Variants in CSMD1 observed in about 807,000 individuals in gnomAD.
CSMD1 encodes the protein CUB and sushi domain-containing protein 1.
A neutral mutation model predicts 417.5 loss-of-function variants in CSMD1; 213 were observed. The observed-to-expected ratio is 0.51, with a 90% CI of 0.46 to 0.57. The LOEUF (loss-of-function observed/expected upper bound fraction) is 0.57, where lower values mean the gene tolerates loss of function less well. Among genes scored for constraint, CSMD1 ranks in the 20% least tolerant of loss-of-function variants. CSMD1 has a pLI of 0.00. For synonymous variants in CSMD1, 2,862 were observed against 1,736.8 expected (o/e 1.65, Z -16.11); for missense variants, 6,923 against 4,529.7 (o/e 1.53, Z -15.17).
chr8:3,240,671 G>A (rs998276187), intron 26 of CSMD1, among the ~76,000 whole-genome samples: 13 of 152,172 alleles, frequency 8.5e-5, no homozygotes, highest in South Asian at 2.1e-4. Context: ...AATGAAAGGC[G>A]CAAAGGAATA....
At chr8:3,655,276 C>A (rs985131538) in intron 7 of CSMD1, among the ~76,000 whole-genome samples, 2 of 152,186 alleles carry the variant, frequency 1.3e-5, no homozygotes, top group Non-Finnish European at 1.5e-5. Context: ...GACCCATGAA[C>A]ATGAAGGCTA....
chr8:4,560,530 G>C (rs747774340), intron 2 of CSMD1, among the ~76,000 whole-genome samples: 5 of 152,094 alleles, frequency 3.3e-5, no homozygotes, highest in Admixed American at 6.5e-5. Flanking sequence ...TTGCATGCAT[G>C]GAAACCTCTG....
intron 18 of CSMD1, among the ~76,000 whole-genome samples, chr8:3,371,272 A>G (rs1293048035): frequency 1.3e-5 from 2 of 152,136 alleles, no homozygotes; most frequent in African/African-American, 4.8e-5. Context: ...TAATACATCC[A>G]CTTACTAGTT....
rs560468512 is a variant in CSMD1 at position 4,656,211 on chromosome 8, A to C, written c.86-18653T>G. 2.6e-5 allele frequency among the ~76,000 whole-genome samples: 4 copies of C among 152,188 alleles called. No homozygotes were observed. The East Asian group carries it at 7.7e-4, about 29-fold the overall frequency. ...GAGGAAGGACTATTCCAGGAAGGGA[A>C]TATGGCTGTGGAAAAGCCTTAGGTT... On this transcript the variant is annotated intron_variant, in intron 1 of 69. Transcript: ENST00000635120.
At chr8:4,061,838 AC>A (rs1798987709) in intron 3 of CSMD1, among the ~76,000 whole-genome samples, 2 of 152,220 alleles carry the variant, frequency 1.3e-5, no homozygotes, top group South Asian at 4.1e-4. Context: ...GAAGAAATAT[AC>A]ACTGTATAGA....
chr8:4,400,244 A>T (rs113034734), intron 3 of CSMD1, among the ~76,000 whole-genome samples: 24 of 152,206 alleles, frequency 1.6e-4, no homozygotes, highest in African/African-American at 5.5e-4. Flanking sequence ...GACATGGAAG[A>T]AGTTCTGGCT....
intron 1 of CSMD1, among the ~76,000 whole-genome samples, chr8:4,901,025 T>C (rs1010127784): frequency 6.6e-6 from 1 of 152,238 alleles, no homozygotes; most frequent in African/African-American, 2.4e-5. Flanking sequence ...AGAATGCCGA[T>C]GTTCAACAAA....
At position 4,966,295 on chromosome 8, in the gene CSMD1, C is replaced by T. The variant is rs530745090; in HGVS notation, c.85+28037G>A. Among the ~76,000 whole-genome samples the T allele has an allele frequency of 3.9e-5, 6 of 151,914 alleles. No individual in the cohort carries two copies. The East Asian group carries it at 9.7e-4, about 25-fold the overall frequency. ...TTGGGAGGCTGAGGCAGGAGGATCA[C>T]TTGAACCCAGGAGACGAAGGTTGCA... On this transcript the variant is annotated intron_variant, in intron 1 of 69. Transcript: ENST00000635120.
intron 1 of CSMD1, among the ~76,000 whole-genome samples, chr8:4,731,495 C>T (rs763369054): frequency 2.0e-5 from 3 of 152,158 alleles, no homozygotes. Flanking sequence ...AATATTCATT[C>T]AGATATATGA....
At chr8:3,195,445 A>G (rs934774349) in intron 33 of CSMD1, among the ~76,000 whole-genome samples, 3 of 152,260 alleles carry the variant, frequency 2.0e-5, no homozygotes, top group African/African-American at 7.2e-5. Flanking sequence ...ACTTAATGGC[A>G]TAGAATCAAT....
At chr8:3,867,545 G>T (rs1469439744) in intron 5 of CSMD1, among the ~76,000 whole-genome samples, 1 of 152,130 alleles carries the variant, frequency 6.6e-6, no homozygotes, top group Non-Finnish European at 1.5e-5. Flanking sequence ...CAGAAGGCTA[G>T]TGAGAGACGT....
chr8:3,345,483 T>A (rs894465793), intron 22 of CSMD1, among the ~76,000 whole-genome samples: 1 of 152,140 alleles, frequency 6.6e-6, no homozygotes, highest in Non-Finnish European at 1.5e-5. Context: ...GGTTTCGCAC[T>A]GATCACAAAT....
At chr8:3,280,313 A>G (rs1216906724) in intron 26 of CSMD1, among the ~76,000 whole-genome samples, 2 of 152,380 alleles carry the variant, frequency 1.3e-5, no homozygotes, top group East Asian at 3.9e-4. Context: ...TCCTCATTTC[A>G]TAAATAAAGT....
intron 4 of CSMD1, among the ~76,000 whole-genome samples, chr8:4,010,456 A>G (rs1816458265): frequency 6.6e-6 from 1 of 152,154 alleles, no homozygotes; most frequent in African/African-American, 2.4e-5. Flanking sequence ...TGGGAAAAAC[A>G]TAACCTCTTT....
chr8:3,993,573 G>T (rs932797569), intron 5 of CSMD1, among the ~76,000 whole-genome samples: 6 of 152,090 alleles, frequency 3.9e-5, no homozygotes, highest in African/African-American at 1.4e-4. Context: ...ATAAACTAAG[G>T]TTACAAAACT....
chr8:3,247,286 T>C (rs1585784224), intron 26 of CSMD1, among the ~76,000 whole-genome samples: 1 of 152,196 alleles, frequency 6.6e-6, no homozygotes, highest in South Asian at 2.1e-4. Context: ...TCAGGCTCCC[T>C]GGAGAGCATA....
chr8:4,533,650 C>T (rs570175854), intron 2 of CSMD1, among the ~76,000 whole-genome samples: 2 of 151,860 alleles, frequency 1.3e-5, no homozygotes, highest in African/African-American at 2.4e-5. Flanking sequence ...GACCCCAAAA[C>T]GATGTCATTG....
At chr8:4,513,022 G>T (rs1278838262) in intron 2 of CSMD1, among the ~76,000 whole-genome samples, 2 of 152,170 alleles carry the variant, frequency 1.3e-5, no homozygotes, top group Non-Finnish European at 2.9e-5. Flanking sequence ...AATAAGCAGA[G>T]CACAGATAAT....
At chr8:3,668,329 C>T (rs10097257) in intron 7 of CSMD1, among the ~76,000 whole-genome samples, 69,487 of 151,912 alleles carry the variant, frequency 0.46, 16,341 homozygotes, top group Admixed American at 0.56. Flanking sequence ...AGGGGCATGT[C>T]CCACACAGGC....
Sources: gnomAD v4.1 joint callset for allele counts (sites outside exome capture counted in the v4.1 genomes callset) on GRCh38, gnomAD v4.1.1 for gene constraint, MANE v1.5 for transcripts, NCBI Gene and HGNC (gene_info 2026-07-23, HGNC 2026-07-21) for gene names.